Variants in PPP2R2C observed in about 807,000 individuals in gnomAD.
PPP2R2C encodes protein phosphatase 2 regulatory subunit Bgamma.
In PPP2R2C, 10 loss-of-function variants were observed where a neutral mutation model predicts 45.3. That is an observed-to-expected ratio of 0.22 (90% confidence interval 0.14 to 0.37). PPP2R2C has a LOEUF of 0.37. PPP2R2C is among the 10% of genes least tolerant of loss of function. The probability of loss-of-function intolerance (pLI) is 1.00; values close to 1 mark genes in which losing one functional copy is unlikely to be tolerated. For synonymous variants in PPP2R2C, 257 were observed against 245.4 expected, an observed-to-expected ratio of 1.05 and a Z score of -0.44; for missense variants, 308 against 619.7, an observed-to-expected ratio of 0.50 and a Z score of 5.34.
At chr4:6,431,740 G>T (rs1202793863) in intron 1 of PPP2R2C, among the ~76,000 whole-genome samples, 1 of 152,160 alleles carries the variant, frequency 6.6e-6, no homozygotes, top group East Asian at 1.9e-4. Flanking sequence ...GGACCTCTAA[G>T]ACCCCAACCC....
intron 1 of PPP2R2C, among the ~76,000 whole-genome samples, chr4:6,421,931 G>T (rs1033698590): frequency 2.0e-5 from 3 of 152,220 alleles, no homozygotes; most frequent in African/African-American, 7.2e-5. Context: ...CATGTGCTGA[G>T]CAGAATGTAA....
rs184656949 is a variant in PPP2R2C at position 6,350,817 on chromosome 4, G to T, written c.626-2807C>A. On this transcript the variant is annotated intron_variant, in intron 5 of 8. Coordinates refer to ENST00000382599, the MANE Select transcript of PPP2R2C (RefSeq NM_020416.4). Reference sequence around the variant, plus strand: ...GGTCTGCTGTGACACTGTTCCCTCCGCAATGAGATCGCACCAAAGCCAGCC... The same window carrying T: ...GGTCTGCTGTGACACTGTTCCCTCCTCAATGAGATCGCACCAAAGCCAGCC... 9.1e-6 allele frequency: 9 copies of T among 985,360 alleles called. No homozygotes were observed. In the Admixed American group the frequency reaches 3.1e-4, roughly 34 times the overall value. 61.0% of individuals were successfully genotyped at this position (985,360 alleles called of 1,614,324 possible).
chr4:6,506,232 A>AT, intron 2 of PPP2R2C, among the ~76,000 whole-genome samples: 1 of 152,222 alleles, frequency 6.6e-6, no homozygotes, highest in Non-Finnish European at 1.5e-5. Context: ...TTCTGAGGTG[A>AT]TAAAAACTTC....
chr4:6,492,194 C>T (rs894936233), intron 2 of PPP2R2C, among the ~76,000 whole-genome samples: 1 of 152,228 alleles, frequency 6.6e-6, no homozygotes, highest in Admixed American at 6.5e-5. Context: ...CTGTTTCTCT[C>T]ATGGGGTGGA....
intron 4 of PPP2R2C, among the ~76,000 whole-genome samples, chr4:6,373,290 G>A (rs1050529027): frequency 1.8e-4 from 28 of 152,204 alleles, no homozygotes; most frequent in African/African-American, 2.9e-4. Flanking sequence ...CATCCACATC[G>A]AACCTTCCCA....
At chr4:6,459,917 A>ACAT (rs1721241369) in intron 1 of PPP2R2C, among the ~76,000 whole-genome samples, 1 of 152,200 alleles carries the variant, frequency 6.6e-6, no homozygotes, top group African/African-American at 2.4e-5. Flanking sequence ...GGAAAAGTTG[A>ACAT]CATTAGATGA....
intron 1 of PPP2R2C, among the ~76,000 whole-genome samples, chr4:6,439,445 G>A (rs1645680798): frequency 6.6e-6 from 1 of 152,186 alleles, no homozygotes; most frequent in African/African-American, 2.4e-5. Context: ...ACTTTAGCGT[G>A]ATTCAAAATA....
intron 2 of PPP2R2C, among the ~76,000 whole-genome samples, chr4:6,518,691 G>A (rs993260954): frequency 3.3e-5 from 5 of 152,146 alleles, no homozygotes; most frequent in African/African-American, 1.2e-4. Context: ...GGGAGGCCAA[G>A]GCAAGTGGCT....
At chr4:6,473,341 T>C (rs1390578753), upstream of PPP2R2C, among the ~76,000 whole-genome samples, 6 of 147,738 alleles carry the variant, frequency 4.1e-5, no homozygotes, top group Non-Finnish European at 1.5e-5. Context: ...GGAACCTCCC[T>C]CTGGTAATCA....
intron 1 of PPP2R2C, among the ~76,000 whole-genome samples, chr4:6,430,855 G>A (rs1461578808): frequency 6.6e-6 from 1 of 152,104 alleles, no homozygotes; most frequent in Non-Finnish European, 1.5e-5. Context: ...AACCCAGGAG[G>A]CGGAGGTTGC....
intron 1 of PPP2R2C, among the ~76,000 whole-genome samples, chr4:6,469,256 T>C (rs955186992): frequency 6.6e-6 from 1 of 151,800 alleles, no homozygotes; most frequent in African/African-American, 2.4e-5. Context: ...GCCCAAAGGA[T>C]GAGAAAGAGT....
rs139699543 is a variant in PPP2R2C at position 6,426,102 on chromosome 4, G to A, written c.71-45008C>T. Among the ~76,000 whole-genome samples the A allele has an allele frequency of 2.4e-3, 369 of 152,314 alleles. 2 individuals are homozygous for A. Among genetic ancestry groups the A allele is most frequent in the African/African-American group, 8.2e-3 (339 of 41,566 alleles). ...ATTGCTATGGCACCTGCAAGGCAGC[G>A]GCTAACAGCCTTCCTTCCCAGCAGG... On this transcript the variant is annotated intron_variant, in intron 1 of 8. Coordinates refer to ENST00000382599, the MANE Select transcript of PPP2R2C (RefSeq NM_020416.4).
chr4:6,366,757 C>T (rs1325944626), intron 5 of PPP2R2C, among the ~76,000 whole-genome samples: 1 of 152,164 alleles, frequency 6.6e-6, no homozygotes. Context: ...GTGCTCCACC[C>T]CACCCTGCCC....
intron 1 of PPP2R2C, among the ~76,000 whole-genome samples, chr4:6,421,710 C>T (rs1403057813): frequency 1.5e-5 from 1 of 66,196 alleles, no homozygotes; most frequent in Non-Finnish European, 3.2e-5. Flanking sequence ...GAGCCACCTG[C>T]ACTGGCACTC....
intron 2 of PPP2R2C, among the ~76,000 whole-genome samples, chr4:6,524,664 G>A (rs556688503): frequency 6.6e-6 from 1 of 152,306 alleles, no homozygotes; most frequent in African/African-American, 2.4e-5. Flanking sequence ...GTTGGGCCGA[G>A]CTTCACCTAT....
At chr4:6,548,191 C>A (rs539911754) in intron 1 of PPP2R2C, among the ~76,000 whole-genome samples, 1 of 151,822 alleles carries the variant, frequency 6.6e-6, no homozygotes, top group Admixed American at 6.6e-5. Flanking sequence ...GCACTCCAGC[C>A]GGGGCAACAG....
chr4:6,481,602 T>C (rs1722352175), intron 2 of PPP2R2C, among the ~76,000 whole-genome samples: 1 of 152,230 alleles, frequency 6.6e-6, no homozygotes, highest in Non-Finnish European at 1.5e-5. Flanking sequence ...TGGCACAGTC[T>C]TTGCCTTTCA....
At chr4:6,342,308 C>T (rs1733514829) in intron 6 of PPP2R2C, among the ~76,000 whole-genome samples, 1 of 152,146 alleles carries the variant, frequency 6.6e-6, no homozygotes, top group African/African-American at 2.4e-5. Flanking sequence ...AAAAGTTAAG[C>T]ATGTACTTTC....
intron 6 of PPP2R2C, among the ~76,000 whole-genome samples, chr4:6,338,277 C>T (rs1429677757): frequency 6.6e-6 from 1 of 152,208 alleles, no homozygotes; most frequent in African/African-American, 2.4e-5. Flanking sequence ...AATCTCCATC[C>T]TGTTTCTTTT....
Sources: allele counts gnomAD v4.1 joint callset (sites outside exome capture counted in the v4.1 genomes callset), GRCh38; gene constraint gnomAD v4.1.1; transcripts MANE v1.5; gene names NCBI Gene and HGNC (gene_info 2026-07-23, HGNC 2026-07-21).